Variants in ABLIM1 observed in about 807,000 individuals in gnomAD.
ABLIM1 encodes actin-binding LIM protein 1.
Under a neutral mutation model 107.0 loss-of-function variants are expected in ABLIM1, and 40 were observed. The ratio of observed to expected loss-of-function variants is 0.37; its 90% CI spans 0.29 to 0.49. The LOEUF (loss-of-function observed/expected upper bound fraction) is 0.49. Ranked by LOEUF, ABLIM1 falls within the 20% of genes least tolerant of loss-of-function variation. The pLI is 0.97. For missense variants in ABLIM1, 857 were observed against 1,008.5 expected, an observed-to-expected ratio of 0.85 and a Z score of 2.04; for synonymous variants, 357 against 357.3, an observed-to-expected ratio of 1.00 and a Z score of 0.01.
At chr10:114,624,568 C>G (rs979062882) in intron 1 of ABLIM1, among the ~76,000 whole-genome samples, 1 of 152,178 alleles carries the variant, frequency 6.6e-6, no homozygotes, top group Non-Finnish European at 1.5e-5. Flanking sequence ...GAGGCCCAAC[C>G]TCCATTTCAG....
At chr10:114,660,693 C>T (rs1476921344), upstream of ABLIM1, among the ~76,000 whole-genome samples, 1 of 152,166 alleles carries the variant, frequency 6.6e-6, no homozygotes, top group Non-Finnish European at 1.5e-5. Context: ...CTGCTCTTTG[C>T]AAACTGAGAA....
intron 1 of ABLIM1, among the ~76,000 whole-genome samples, chr10:114,710,336 C>T (rs977634113): frequency 6.6e-6 from 1 of 152,184 alleles, no homozygotes; most frequent in African/African-American, 2.4e-5. Flanking sequence ...ACTCACAGTT[C>T]GATAGGGCTA....
chr10:114,751,835 G>T (rs1231462195), intron 1 of ABLIM1, among the ~76,000 whole-genome samples: 2 of 151,714 alleles, frequency 1.3e-5, no homozygotes, highest in African/African-American at 4.8e-5. Flanking sequence ...ATGATTACAA[G>T]TGCTCCCTTT....
chr10:114,461,837 AAAAAT>A (rs1488194896), intron 12 of ABLIM1, among the ~76,000 whole-genome samples: 2 of 152,172 alleles, frequency 1.3e-5, no homozygotes, highest in Non-Finnish European at 2.9e-5. Flanking sequence ...TAAAAAATAA[AAAAAT>A]AAAATAAAGT....
At chr10:114,798,624 C>T in the ABLIM1 span, among the ~76,000 whole-genome samples, 370 of 149,464 alleles carry the variant, frequency 2.5e-3, 2 homozygotes, top group African/African-American at 8.7e-3. Flanking sequence ...CATCTATAGT[C>T]CCAGCTACTT....
intron 1 of ABLIM1, among the ~76,000 whole-genome samples, chr10:114,624,785 T>A (rs1477410761): frequency 1.3e-5 from 2 of 152,132 alleles, no homozygotes; most frequent in African/African-American, 4.8e-5. Flanking sequence ...TTTTTTTTTT[T>A]TAAACATGTG....
rs1179197693 is a variant in ABLIM1 at position 114,433,703 on chromosome 10, C to T, written c.*2557G>A. ...CTGCAATCTTAGGCAGGCCCCTTAA[C>T]TCCTAGTCTCTATAAAATAAGGAAG... On this transcript the variant is annotated 3_prime_UTR_variant, in exon 23 of 23. Transcript: ENST00000533213. 1.3e-5 allele frequency: 2 copies of T among 152,330 alleles called. No homozygotes were observed. Among genetic ancestry groups the T allele is most frequent in the African/African-American group, 4.8e-5 (2 of 41,568 alleles). 9.4% of individuals were successfully genotyped at this position (152,330 alleles called of 1,614,324 possible).
At chr10:114,467,946 A>G (rs1435781011) in intron 11 of ABLIM1, among the ~76,000 whole-genome samples, 1 of 152,228 alleles carries the variant, frequency 6.6e-6, no homozygotes, top group Non-Finnish European at 1.5e-5. Context: ...ACAGGCACAG[A>G]CACAGATTAA....
rs558903221 is a variant in ABLIM1, at chr10:114,709,642, GT to G, written c.-213+58418del. 4.1e-3 allele frequency among the ~76,000 whole-genome samples: 623 copies of G among 152,218 alleles called. 3 individuals are homozygous for G. The highest frequency in any genetic ancestry group is 5.7e-3 in the Non-Finnish European group (387 of 68,010). The stretch of plus-strand genomic sequence containing the variant: ...AACTACGCTAGAGGAAAGGCGAAAG[GT>G]TCTTTTCTCTACATAGAAAAAACTA... On this transcript the variant is annotated intron_variant, in intron 1 of 15. Transcript: ENST00000651092.
intron 6 of ABLIM1, among the ~76,000 whole-genome samples, chr10:114,539,572 T>C (rs2066413426): frequency 1.3e-5 from 2 of 152,208 alleles, no homozygotes; most frequent in Non-Finnish European, 2.9e-5. Flanking sequence ...AACCCCCTTA[T>C]AAATTTGGGA....
chr10:114,440,921 C>A (rs961758716), intron 19 of ABLIM1, 96 bp downstream of exon 19: 6 of 1,203,038 alleles, frequency 5.0e-6, no homozygotes, highest in Middle Eastern at 1.9e-4. Flanking sequence ...TCTAAGGATA[C>A]AATACAGCAT....
intron 1 of ABLIM1, among the ~76,000 whole-genome samples, chr10:114,677,703 A>T (rs1451572590): frequency 6.6e-6 from 1 of 152,188 alleles, no homozygotes; most frequent in African/African-American, 2.4e-5. Context: ...TGAACTTGGG[A>T]GGTGGAGGTT....
intron 1 of ABLIM1, among the ~76,000 whole-genome samples, chr10:114,611,843 T>C (rs996201348): frequency 6.6e-6 from 1 of 152,178 alleles, no homozygotes; most frequent in African/African-American, 2.4e-5. Context: ...TTGACTGAGA[T>C]GACTCACTGA....
the ABLIM1 span, among the ~76,000 whole-genome samples, chr10:114,783,581 G>A: frequency 2.6e-5 from 4 of 152,068 alleles, no homozygotes; most frequent in South Asian, 2.1e-4. Flanking sequence ...AACATGTAAC[G>A]GTGGGATAGG....
rs751287379 is a variant in ABLIM1, at chr10:114,741,216, CTTTTTTTTTT to C, written c.-213+26835_-213+26844del. On this transcript the variant is annotated intron_variant, in intron 1 of 15. Coordinates refer to the ABLIM1 transcript ENST00000651092. ...ATAACACCTTGATAGGACTATTCTTCTTTTTTTTTTTTTTTTTTTTTTTTTTTGAGATGGA... is the reference window on the plus strand; with the variant it reads ...ATAACACCTTGATAGGACTATTCTTCTTTTTTTTTTTTTTTTTGAGATGGA... Among the ~76,000 whole-genome samples, 184 of 59,886 alleles carry C rather than the reference CTTTTTTTTTT, an allele frequency of 3.1e-3. 1 individual carries two copies. The highest frequency in any genetic ancestry group is 4.4e-3 in the Non-Finnish European group (138 of 31,592). The allele number at this position is 59,886 out of a possible 152,430, so 39.3% of individuals were successfully genotyped here.
chr10:114,463,151 A>T, intron 12 of ABLIM1: 1 of 1,304,226 alleles, frequency 7.7e-7, no homozygotes, highest in Non-Finnish European at 1.0e-6. Flanking sequence ...TCTGCACACC[A>T]GGAGACAAAA....
chr10:114,461,886 C>T (rs2064016443), intron 12 of ABLIM1, among the ~76,000 whole-genome samples: 1 of 152,186 alleles, frequency 6.6e-6, no homozygotes, highest in African/African-American at 2.4e-5. Flanking sequence ...GAGAGTGTTG[C>T]ACCTATCAAA....
Position 114,757,236 on chromosome 10 carries a change from C to T in ABLIM1, c.-213+10825G>A, listed in dbSNP as rs1405002110. 2.0e-5 allele frequency among the ~76,000 whole-genome samples: 3 copies of T among 152,160 alleles called. No homozygotes were observed. In the East Asian group the frequency reaches 5.8e-4, roughly 29 times the overall value. ...TATATTGCAGCTGAATGTAAAGAGG[C>T]AGCATTGTAACAGTAAATAGAGCAT... On this transcript the variant is annotated intron_variant, in intron 1 of 15. Transcript: ENST00000651092.
intron 17 of ABLIM1, 85 bp downstream of exon 17, chr10:114,443,944 C>T (rs2139300852): frequency 1.8e-6 from 2 of 1,094,740 alleles, no homozygotes; most frequent in Middle Eastern, 2.1e-4. Flanking sequence ...CTGTAGGTTC[C>T]ACCACAAGTG....
Sources: allele counts gnomAD v4.1 joint callset (sites outside exome capture counted in the v4.1 genomes callset), GRCh38; gene constraint gnomAD v4.1.1; transcripts MANE v1.5; gene names NCBI Gene and HGNC (gene_info 2026-07-23, HGNC 2026-07-21).